MYH10: variants seen among roughly 807,000 people sequenced by gnomAD.
MYH10 encodes the protein myosin heavy chain 10.
In MYH10, 55 loss-of-function variants were observed where a neutral mutation model predicts 257.8. The ratio of observed to expected loss-of-function variants is 0.21; its 90% CI spans 0.17 to 0.27. The LOEUF is 0.27. Among genes scored for constraint, MYH10 ranks in the 10% least tolerant of loss-of-function variants. The probability of loss-of-function intolerance (pLI) is 1.00; values close to 1 mark genes in which losing one functional copy is unlikely to be tolerated. For missense variants in MYH10, 1,631 were observed against 2,500.6 expected (o/e 0.65, Z 7.42); for synonymous variants, 854 against 921.7 (o/e 0.93, Z 1.33).
chr17:8,478,654 G>T (rs1913117621), intron 40 of MYH10, among the ~76,000 whole-genome samples: 1 of 152,198 alleles, frequency 6.6e-6, no homozygotes, highest in Admixed American at 6.5e-5. Context: ...AATAGTGACA[G>T]GTAGAATAAG....
intron 4 of MYH10, among the ~76,000 whole-genome samples, chr17:8,583,773 AAG>A (rs2083797724): frequency 6.6e-6 from 1 of 152,244 alleles, no homozygotes; most frequent in African/African-American, 2.4e-5. Context: ...TATAATAGAT[AAG>A]ATTCCTTTAC....
intron 4 of MYH10, among the ~76,000 whole-genome samples, chr17:8,583,332 A>G (rs1397247385): frequency 6.6e-6 from 1 of 152,220 alleles, no homozygotes; most frequent in Non-Finnish European, 1.5e-5. Flanking sequence ...AATAATTCCC[A>G]AAGTTTTAGG....
chr17:8,584,773 C>T (rs1204476062), intron 4 of MYH10, among the ~76,000 whole-genome samples: 2 of 152,116 alleles, frequency 1.3e-5, no homozygotes, highest in Non-Finnish European at 2.9e-5. Flanking sequence ...TAAGGAGATG[C>T]TATCAAACTA....
chr17:8,572,141 T>C (rs887642208), intron 6 of MYH10, among the ~76,000 whole-genome samples: 2 of 152,196 alleles, frequency 1.3e-5, no homozygotes, highest in African/African-American at 2.4e-5. Flanking sequence ...GTAAAACCAG[T>C]AATGCATATC....
chr17:8,613,098 C>T (rs1194210453), intron 2 of MYH10, among the ~76,000 whole-genome samples: 2 of 152,008 alleles, frequency 1.3e-5, no homozygotes, highest in Admixed American at 6.6e-5. Flanking sequence ...AAAGGAAAAC[C>T]GATGACCTTC....
chr17:8,494,989 G>T, intron 31 of MYH10, 148 bp downstream of exon 31: 1 of 604,846 alleles, frequency 1.7e-6, no homozygotes, highest in Non-Finnish European at 2.9e-6. Context: ...GAGAAATCCC[G>T]AGTAGCAAGG....
rs776657973 is a variant in MYH10 at position 8,569,661 on chromosome 17, C to G, written c.756+59G>C. 1.1e-5 allele frequency: 13 copies of G among 1,213,178 alleles called. No individual in the cohort carries two copies. Among genetic ancestry groups the G allele is most frequent in the Non-Finnish European group, 1.5e-5 (13 of 853,262 alleles). The allele number at this position is 1,213,178 out of a possible 1,614,324, so 75.2% of individuals were successfully genotyped here. ...GAAAAGTAATTCATTTGCTTAATCA[C>G]AGTAAACATTTAACTAGAAATCTAA... is the stretch of plus-strand genomic sequence containing the variant. On this transcript the variant is annotated intron_variant, in intron 7 of 42. Transcript: ENST00000360416. The surrounding 1 kb of genome is among the most constrained non-coding windows in gnomAD (Gnocchi z 4.1).
chr17:8,501,712 T>C (rs2080902894), intron 28 of MYH10, among the ~76,000 whole-genome samples: 1 of 152,230 alleles, frequency 6.6e-6, no homozygotes. Context: ...AAAGGGTCTC[T>C]GATGTTTGAT....
chr17:8,526,603 GA>G (rs1457870576), intron 17 of MYH10, among the ~76,000 whole-genome samples: 1 of 145,254 alleles, frequency 6.9e-6, no homozygotes, highest in Non-Finnish European at 1.5e-5. Context: ...GTTCCAGACT[GA>G]AATCTGTGAG....
At chr17:8,482,204 A>G (rs1156381949) in intron 37 of MYH10, among the ~76,000 whole-genome samples, 1 of 152,232 alleles carries the variant, frequency 6.6e-6, no homozygotes, top group Non-Finnish European at 1.5e-5. Flanking sequence ...TCAGCAGCAA[A>G]AAGTCAGGGT....
Position 8,535,140 on chromosome 17 carries a change from C to T in MYH10, c.1894+247G>A, listed in dbSNP as rs1344324607. On this transcript the variant is annotated intron_variant, in intron 16 of 42. Coordinates refer to ENST00000360416, the MANE Select transcript of MYH10 (RefSeq NM_001256012.3). This position sits in a 1 kb window ranked among gnomAD's most constrained non-coding sequence, Gnocchi z 4.3. ...TCATACGTGTACGTCTTTGTGGCTCCGGGCCTAGAATGTTTCTGTACTCCT... is the reference window on the plus strand; with the variant it reads ...TCATACGTGTACGTCTTTGTGGCTCTGGGCCTAGAATGTTTCTGTACTCCT... Among the ~76,000 whole-genome samples, 1 of 152,066 alleles carries T rather than the reference C, an allele frequency of 6.6e-6. No individual in the cohort carries two copies. Among genetic ancestry groups the T allele is most frequent in the Non-Finnish European group, 1.5e-5 (1 of 68,026 alleles).
At chr17:8,491,198 G>T (rs963694438) in intron 34 of MYH10, among the ~76,000 whole-genome samples, 43 of 152,176 alleles carry the variant, frequency 2.8e-4, no homozygotes, top group African/African-American at 1.0e-3. Context: ...GACCACTGCA[G>T]TTCTCACGGG....
rs1218097738 is a variant in MYH10 at position 8,569,276 on chromosome 17, C to T, written c.756+444G>A. 1.3e-5 allele frequency among the ~76,000 whole-genome samples: 2 copies of T among 151,572 alleles called. No homozygotes were observed. Among genetic ancestry groups the T allele is most frequent in the African/African-American group, 2.4e-5 (1 of 41,278 alleles). On this transcript the variant is annotated intron_variant, in intron 7 of 42. Transcript: ENST00000360416. The surrounding 1 kb of genome is among the most constrained non-coding windows in gnomAD (Gnocchi z 4.1). ...TAGTAGTGACAAATTATTCCAAAGT[C>T]CAAATCCCACAGAAAATAGCAAGGT...
rs934358187 is a variant in MYH10, at chr17:8,560,953, C to T, written c.757-6935G>A. 21 of 471,736 alleles carry T rather than the reference C, an allele frequency of 4.5e-5. 1 individual carries two copies. The highest frequency in any genetic ancestry group is 1.4e-4 in the South Asian group (7 of 51,034). The allele number at this position is 471,736 out of a possible 1,614,324, so 29.2% of individuals were successfully genotyped here. On this transcript the variant is annotated intron_variant, in intron 7 of 42. Transcript: ENST00000360416. ...GCAAGAAGATCACCACTGCCAACTG[C>T]GGACAACTCTAATCAATCTGCTTGT...
At position 8,479,124 on chromosome 17, in the gene MYH10, T is replaced by A. The variant is rs183385364; in HGVS notation, c.5598-678A>T. Among the ~76,000 whole-genome samples, 167 of 152,330 alleles carry A rather than the reference T, an allele frequency of 1.1e-3. 1 individual carries two copies. Among genetic ancestry groups the A allele is most frequent in the African/African-American group, 3.7e-3 (154 of 41,572 alleles). Reference sequence around the variant, plus strand: ...TTTGAAGACACCATCCTTAGTTTAATCACCTAAACTTTTAGCCTGAGAAAC... The same window carrying A: ...TTTGAAGACACCATCCTTAGTTTAAACACCTAAACTTTTAGCCTGAGAAAC... On this transcript the variant is annotated intron_variant, in intron 40 of 42. Transcript: ENST00000360416.
Position 8,475,769 on chromosome 17 carries a change from T to TCC in MYH10, c.*33_*34dup. The stretch of plus-strand genomic sequence containing the variant: ...GAGGCCCCGGGTGCATTCCTAACTG[T>TCC]CCCACTGTATTGCCTCCTCTGGCTT... On this transcript the variant is annotated 3_prime_UTR_variant, in exon 43 of 43. Transcript: ENST00000360416. 6.2e-7 allele frequency: 1 copy of TCC among 1,606,522 alleles called. No individual in the cohort carries two copies. The highest frequency in any genetic ancestry group is 8.5e-7 in the Non-Finnish European group (1 of 1,175,204).
intron 2 of MYH10, among the ~76,000 whole-genome samples, chr17:8,615,072 T>C (rs950231217): frequency 5.3e-5 from 8 of 152,106 alleles, no homozygotes; most frequent in Admixed American, 3.3e-4. Context: ...AGTGGGTGAA[T>C]TGCTTGAGTT....
chr17:8,607,011 C>CA (rs1346676232), intron 2 of MYH10, among the ~76,000 whole-genome samples: 3 of 152,038 alleles, frequency 2.0e-5, no homozygotes, highest in African/African-American at 7.3e-5. Context: ...GCCCACAGGA[C>CA]AAAAGGGCAA....
At chr17:8,625,319 T>C (rs1404063618) in intron 1 of MYH10, among the ~76,000 whole-genome samples, 1 of 152,144 alleles carries the variant, frequency 6.6e-6, no homozygotes, top group African/African-American at 2.4e-5. Context: ...CTTCAGAAAT[T>C]ACTTGTTGCA....
Sources: allele counts gnomAD v4.1 joint callset (sites outside exome capture counted in the v4.1 genomes callset), GRCh38; gene constraint gnomAD v4.1.1; non-coding constraint Gnocchi (gnomAD v3.1); transcripts MANE v1.5; gene names NCBI Gene and HGNC (gene_info 2026-07-23, HGNC 2026-07-21).